NDST4: variants seen among roughly 807,000 people sequenced by gnomAD.
The protein encoded by NDST4 is N-heparan sulfate sulfotransferase 4.
A neutral mutation model predicts 100.8 loss-of-function variants in NDST4; 63 were observed. The ratio of observed to expected loss-of-function variants is 0.62; its 90% CI spans 0.51 to 0.77. The LOEUF (loss-of-function observed/expected upper bound fraction) is 0.77, where lower values mean the gene tolerates loss of function less well. Ranked by LOEUF, NDST4 falls within the 30% of genes least tolerant of loss-of-function variation. The pLI, the probability that NDST4 is intolerant of heterozygous loss-of-function variation, is 0.00. For missense variants in NDST4, 943 were observed against 1,018.4 expected (o/e 0.93, Z 1.01); for synonymous variants, 377 against 361.8 (o/e 1.04, Z -0.48).
chr4:114,844,667 T>G (rs144118024), intron 10 of NDST4, among the ~76,000 whole-genome samples: 188 of 152,378 alleles, frequency 1.2e-3, no homozygotes, highest in African/African-American at 4.4e-3. Flanking sequence ...TTATTTAATA[T>G]CTACACATTA....
intron 2 of NDST4, among the ~76,000 whole-genome samples, chr4:114,982,910 G>T (rs1442907460): frequency 6.6e-6 from 1 of 152,140 alleles, no homozygotes; most frequent in Non-Finnish European, 1.5e-5. Context: ...AGCCACTCCA[G>T]CTCCAGCCAT....
intron 7 of NDST4, among the ~76,000 whole-genome samples, chr4:114,867,905 GC>G (rs1178525832): frequency 1.3e-5 from 2 of 151,996 alleles, no homozygotes; most frequent in Non-Finnish European, 2.9e-5. Flanking sequence ...TGAGAGATGA[GC>G]ACAAATGCGT....
chr4:115,068,251 A>T (rs879220087), intron 2 of NDST4, among the ~76,000 whole-genome samples: 1 of 152,108 alleles, frequency 6.6e-6, no homozygotes, highest in Admixed American at 6.5e-5. Context: ...TAAAATACAT[A>T]GTAAAATAAA....
chr4:115,095,162 G>A (rs1477159870), intron 1 of NDST4, among the ~76,000 whole-genome samples: 1 of 151,854 alleles, frequency 6.6e-6, no homozygotes, highest in Non-Finnish European at 1.5e-5. Context: ...CATCAAACAG[G>A]AGCCTCACAA....
intron 2 of NDST4, among the ~76,000 whole-genome samples, chr4:115,057,445 G>C (rs1334332106): frequency 6.6e-6 from 1 of 151,750 alleles, no homozygotes; most frequent in African/African-American, 2.4e-5. Flanking sequence ...AGGAGAGGAG[G>C]AGAGAGAGAA....
chr4:114,828,333 A>G (rs796130211), intron 13 of NDST4, among the ~76,000 whole-genome samples: 7 of 152,264 alleles, frequency 4.6e-5, no homozygotes, highest in African/African-American at 1.7e-4. Flanking sequence ...ATTGGCCTGT[A>G]AGATAAAAAT....
intron 4 of NDST4, among the ~76,000 whole-genome samples, chr4:114,940,619 C>T (rs1347715696): frequency 6.6e-6 from 1 of 152,132 alleles, no homozygotes; most frequent in Non-Finnish European, 1.5e-5. Flanking sequence ...TTTAGCTTTG[C>T]CGTCCATGGA....
chr4:114,922,411 C>T (rs114910073), intron 6 of NDST4, among the ~76,000 whole-genome samples: 2,346 of 152,234 alleles, frequency 0.015, 86 homozygotes, highest in South Asian at 0.15. Flanking sequence ...TGTGGACAGC[C>T]TCCCCCAGTG....
chr4:115,104,960 C>T (rs1395306075), intron 1 of NDST4, among the ~76,000 whole-genome samples: 1 of 152,050 alleles, frequency 6.6e-6, no homozygotes, highest in Admixed American at 6.6e-5. Context: ...AAACTTTGGA[C>T]TTATTGTTAT....
At chr4:115,104,601 T>C (rs1578524213) in intron 1 of NDST4, among the ~76,000 whole-genome samples, 1 of 152,294 alleles carries the variant, frequency 6.6e-6, no homozygotes, top group Non-Finnish European at 1.5e-5. Flanking sequence ...AACATTTTTT[T>C]CTCTGGGATA....
chr4:114,828,033 A>C, intron 13 of NDST4, 98 bp from the exon 14 acceptor site: 8 of 1,022,856 alleles, frequency 7.8e-6, no homozygotes, highest in Non-Finnish European at 1.1e-5. Flanking sequence ...ACTACAGTAT[A>C]CGTGTCTACA....
chr4:114,997,481 G>A (rs1727190192), intron 2 of NDST4, among the ~76,000 whole-genome samples: 1 of 151,946 alleles, frequency 6.6e-6, no homozygotes, highest in Non-Finnish European at 1.5e-5. Context: ...TAATTGGTTG[G>A]TGATTAATTT....
chr4:115,059,582 T>G (rs1193666574), intron 2 of NDST4, among the ~76,000 whole-genome samples: 1 of 152,060 alleles, frequency 6.6e-6, no homozygotes, highest in Non-Finnish European at 1.5e-5. Flanking sequence ...AGGAGTTCTA[T>G]TATTTTTACT....
intron 1 of NDST4, among the ~76,000 whole-genome samples, chr4:115,077,846 G>A (rs1729220309): frequency 6.6e-6 from 1 of 152,104 alleles, no homozygotes; most frequent in Admixed American, 6.5e-5. Context: ...CAGCATTACA[G>A]CCCAGATACA....
intron 2 of NDST4, among the ~76,000 whole-genome samples, chr4:115,041,565 T>C (rs1728352457): frequency 6.6e-6 from 1 of 152,048 alleles, no homozygotes; most frequent in African/African-American, 2.4e-5. Context: ...CTGAGAAGGA[T>C]TACCTCTGAA....
At chr4:114,935,952 T>C (rs928587979) in intron 5 of NDST4, among the ~76,000 whole-genome samples, 2 of 152,096 alleles carry the variant, frequency 1.3e-5, no homozygotes, top group Non-Finnish European at 2.9e-5. Context: ...GACAAACTAC[T>C]GGTAATTTAA....
rs772404767 is a variant in NDST4, at chr4:115,077,020, T to G, written c.17A>C (p.Lys6Thr). The part of the protein sequence containing the change: MNLIV[K>T]LRRSFRTLIV... ...CAATGTTCGAAAACTTCTCCGAAGTTTCACAATAAGATTCATTTTTTAGAA... is the reference window on the plus strand; with the variant it reads ...CAATGTTCGAAAACTTCTCCGAAGTGTCACAATAAGATTCATTTTTTAGAA... The change falls in exon 2 of 14, where the codon AAA becomes ACA. Residue 6 changes from lysine to threonine, a missense_variant. By Grantham distance (78) the Lys-to-Thr change is moderately conservative. This residue lies in a region of NDST4 where 417 missense variants were observed against 384.2 expected (regional missense o/e 1.09). Coordinates refer to ENST00000264363, the MANE Select transcript of NDST4 (RefSeq NM_022569.3). 29 of 1,601,240 alleles carry G rather than the reference T, an allele frequency of 1.8e-5. No individual in the cohort carries two copies. The African/African-American group carries it at 3.2e-4, about 18-fold the overall frequency.
intron 1 of NDST4, among the ~76,000 whole-genome samples, chr4:115,081,430 G>T (rs987565280): frequency 2.0e-5 from 3 of 152,088 alleles, no homozygotes; most frequent in South Asian, 2.1e-4. Flanking sequence ...TGCCAAAAAG[G>T]TGTAGTCTGT....
chr4:115,036,960 T>C (rs987611949), intron 2 of NDST4, among the ~76,000 whole-genome samples: 1 of 151,954 alleles, frequency 6.6e-6, no homozygotes, highest in Non-Finnish European at 1.5e-5. Flanking sequence ...GGATAAAACA[T>C]TTAAAAGAAA....
Sources: allele counts gnomAD v4.1 joint callset (sites outside exome capture counted in the v4.1 genomes callset), GRCh38; gene constraint gnomAD v4.1.1; regional missense constraint gnomAD v4.1.1; transcripts MANE v1.5; gene names NCBI Gene and HGNC (gene_info 2026-07-23, HGNC 2026-07-21).